The following STUM variants were observed in gnomAD, a reference collection of about 807,000 sequenced individuals.
STUM encodes stum, mechanosensory transduction mediator homolog.
In STUM, 8 loss-of-function variants were observed where a neutral mutation model predicts 15.3. That is an observed-to-expected ratio of 0.52 (90% confidence interval 0.31 to 0.94). STUM has a LOEUF of 0.94. Among genes scored for constraint, STUM ranks in the 40% least tolerant of loss-of-function variants. The pLI is 0.05. For synonymous variants in STUM, 78 were observed against 88.7 expected, an observed-to-expected ratio of 0.88 and a Z score of 0.68; for missense variants, 142 against 204.9, an observed-to-expected ratio of 0.69 and a Z score of 1.87.
At chr1:226,582,056 G>A (rs1667926139) in intron 1 of STUM, among the ~76,000 whole-genome samples, 1 of 152,196 alleles carries the variant, frequency 6.6e-6, no homozygotes, top group Non-Finnish European at 1.5e-5. Context: ...TCACCCTGCA[G>A]CCATGCTGCT....
intron 1 of STUM, among the ~76,000 whole-genome samples, chr1:226,564,009 C>T (rs1667582251): frequency 1.3e-5 from 2 of 152,178 alleles, no homozygotes; most frequent in Admixed American, 6.5e-5. Context: ...GGTGGTCTTG[C>T]GTCCGACTGC....
chr1:226,579,477 C>A (rs935076162), intron 1 of STUM, among the ~76,000 whole-genome samples: 2 of 152,150 alleles, frequency 1.3e-5, no homozygotes, highest in African/African-American at 4.8e-5. Flanking sequence ...ATCAGATAAT[C>A]CCACCCGCAA....
At chr1:226,581,610 C>G (rs993978646) in intron 1 of STUM, among the ~76,000 whole-genome samples, 5 of 152,106 alleles carry the variant, frequency 3.3e-5, no homozygotes, top group African/African-American at 1.2e-4. Context: ...GAGTCTCACT[C>G]TGTTGCCCAG....
At chr1:226,554,088 C>T (rs1033994921) in intron 1 of STUM, among the ~76,000 whole-genome samples, 2 of 152,162 alleles carry the variant, frequency 1.3e-5, no homozygotes, top group Non-Finnish European at 2.9e-5. Flanking sequence ...TCGCTTTGGC[C>T]AATTGAATGT....
chr1:226,589,309 C>T (rs1172741233), intron 1 of STUM, among the ~76,000 whole-genome samples: 1 of 152,344 alleles, frequency 6.6e-6, no homozygotes, highest in East Asian at 1.9e-4. Flanking sequence ...CCAGCCACTC[C>T]TGGCTGCTTC....
intron 1 of STUM, among the ~76,000 whole-genome samples, chr1:226,573,858 T>A (rs1667761120): frequency 6.6e-6 from 1 of 151,122 alleles, no homozygotes; most frequent in African/African-American, 2.4e-5. Context: ...TTTTTTGAGA[T>A]GGAGTCTTGC....
chr1:226,563,235 T>A (rs1667570062), intron 1 of STUM, among the ~76,000 whole-genome samples: 1 of 152,254 alleles, frequency 6.6e-6, no homozygotes. Context: ...CAAACTACTG[T>A]ACTCTAAGCC....
chr1:226,600,154 G>T lies in STUM; in HGVS notation c.383-512G>T, dbSNP rs1213353886. ...ATGAGCTGAGGATGAAAAAAAAAAGGCTAGGTGCTGTGGCTCATGCCTGTA... is the reference window on the plus strand; with the variant it reads ...ATGAGCTGAGGATGAAAAAAAAAAGTCTAGGTGCTGTGGCTCATGCCTGTA... On this transcript the variant is annotated intron_variant, in intron 2 of 3. Coordinates refer to ENST00000366788, the MANE Select transcript of STUM (RefSeq NM_001003665.4). The surrounding 1 kb of genome is among the most constrained non-coding windows in gnomAD (Gnocchi z 5.2). 6.6e-6 allele frequency among the ~76,000 whole-genome samples: 1 copy of T among 152,134 alleles called. No individual in the cohort carries two copies.
chr1:226,556,040 G>A lies in STUM; in HGVS notation c.202+6934G>A, dbSNP rs184859414. Among the ~76,000 whole-genome samples, 22 of 152,016 alleles carry A rather than the reference G, an allele frequency of 1.4e-4. No individual in the cohort carries two copies. The East Asian group carries it at 3.5e-3, about 24-fold the overall frequency. On this transcript the variant is annotated intron_variant, in intron 1 of 3. Transcript: ENST00000366788. Reference sequence around the variant, plus strand: ...TTTTGCATAGTAAGTTTTCAAATCCGGCGTATATTTTACACTTATAGCACA... The same window carrying A: ...TTTTGCATAGTAAGTTTTCAAATCCAGCGTATATTTTACACTTATAGCACA...
chr1:226,556,467 G>A (rs1411682846), intron 1 of STUM, among the ~76,000 whole-genome samples: 1 of 152,226 alleles, frequency 6.6e-6, no homozygotes, highest in Non-Finnish European at 1.5e-5. Context: ...GTCTGCAGTG[G>A]TTAGGCAATG....
In STUM at chr1:226,549,024, C is replaced by T; in HGVS notation, c.120C>T (p.Gly40=). 1 of 1,582,460 alleles carries T rather than the reference C, an allele frequency of 6.3e-7. No homozygotes were observed. Among genetic ancestry groups the T allele is most frequent in the Non-Finnish European group, 8.6e-7 (1 of 1,167,388 alleles). ...TGGTGCAGGTCCGCGAGAAGAAGGGCCCCCTGCGCGCCGCCATCCCCTACA... is the reference window on the plus strand; with the variant it reads ...TGGTGCAGGTCCGCGAGAAGAAGGGTCCCCTGCGCGCCGCCATCCCCTACA... The part of the protein sequence containing the change: ...GVVVQVREKK[G]PLRAAIPYMP... Residue 40 remains glycine (G), a synonymous_variant, in exon 1 of 4, where the codon GGC becomes GGT. Transcript: ENST00000366788. The surrounding 1 kb of genome is among the most constrained non-coding windows in gnomAD (Gnocchi z 6.8).
intron 1 of STUM, 52 bp from the exon 2 acceptor site, chr1:226,596,750 C>T: frequency 6.5e-7 from 1 of 1,527,792 alleles, no homozygotes; most frequent in Admixed American, 1.7e-5. Context: ...AGCACACAGA[C>T]CCCTTTGTCT....
chr1:226,560,308 G>A (rs148671160), intron 1 of STUM, among the ~76,000 whole-genome samples: 1 of 152,304 alleles, frequency 6.6e-6, no homozygotes, highest in African/African-American at 2.4e-5. Flanking sequence ...CCTTAATCCA[G>A]GTGCTCTTGG....
chr1:226,568,663 G>C (rs1667659414), intron 1 of STUM, among the ~76,000 whole-genome samples: 1 of 152,264 alleles, frequency 6.6e-6, no homozygotes, highest in Non-Finnish European at 1.5e-5. Flanking sequence ...GCTGCCTGCT[G>C]CCCCCTCTGG....
In STUM at chr1:226,604,137, G is replaced by A. The variant is rs1481922470; in HGVS notation, c.*2097G>A. 1 of 152,100 alleles carries A rather than the reference G, an allele frequency of 6.6e-6. No individual in the cohort carries two copies. The highest frequency in any genetic ancestry group is 1.5e-5 in the Non-Finnish European group (1 of 68,046). The allele number at this position is 152,100 out of a possible 1,614,324, so 9.4% of individuals were successfully genotyped here. A position where few individuals can be genotyped will look rare whatever the true frequency, so the allele number is the denominator to read the frequency against. On this transcript the variant is annotated 3_prime_UTR_variant, in exon 4 of 4. Coordinates refer to ENST00000366788, the MANE Select transcript of STUM (RefSeq NM_001003665.4). The surrounding 1 kb of genome is among the most constrained non-coding windows in gnomAD (Gnocchi z 4.7). ...CTGAGTGATGACAGGTCTCAGGAGG[G>A]GGCCGCCCCCACAAATGGGAGGCGG...
At chr1:226,561,164 T>C (rs2102688780) in intron 1 of STUM, among the ~76,000 whole-genome samples, 1 of 152,266 alleles carries the variant, frequency 6.6e-6, no homozygotes, top group Admixed American at 6.5e-5. Flanking sequence ...GAGATTCTGG[T>C]TCTTTGGTTG....
chr1:226,556,569 C>T (rs200317587), intron 1 of STUM, among the ~76,000 whole-genome samples: 2 of 152,240 alleles, frequency 1.3e-5, no homozygotes, highest in East Asian at 3.9e-4. Flanking sequence ...TCGAGTTCAA[C>T]ATTAGGTTCA....
intron 1 of STUM, among the ~76,000 whole-genome samples, chr1:226,569,975 C>T (rs908421074): frequency 3.9e-5 from 6 of 152,210 alleles, no homozygotes; most frequent in African/African-American, 1.2e-4. Context: ...GCCTCCAAGA[C>T]AGGCCCACAG....
chr1:226,562,646 A>T (rs1667562322), intron 1 of STUM, among the ~76,000 whole-genome samples: 1 of 152,174 alleles, frequency 6.6e-6, no homozygotes, highest in Non-Finnish European at 1.5e-5. Context: ...GCTCATGGGG[A>T]AACATCAGAC....
Sources: allele counts gnomAD v4.1 joint callset (sites outside exome capture counted in the v4.1 genomes callset), GRCh38; gene constraint gnomAD v4.1.1; non-coding constraint Gnocchi (gnomAD v3.1); transcripts MANE v1.5; gene names NCBI Gene and HGNC (gene_info 2026-07-23, HGNC 2026-07-21).